Variants in DMD observed in about 807,000 individuals in gnomAD.
The protein encoded by DMD is mutant dystrophin.
In DMD, 63 loss-of-function variants were observed where a neutral mutation model predicts 330.1. The ratio of observed to expected loss-of-function variants is 0.19; its 90% CI spans 0.16 to 0.24. DMD has a LOEUF of 0.24. Ranked by LOEUF, DMD falls within the 10% of genes least tolerant of loss-of-function variation. DMD has a pLI of 1.00. For synonymous variants in DMD, 1,223 were observed against 959.8 expected, an observed-to-expected ratio of 1.27 and a Z score of -5.07; for missense variants, 3,344 against 2,684.1, an observed-to-expected ratio of 1.25 and a Z score of -5.43.
At chrX:32,705,086 A>G (rs1055960666) in intron 7 of DMD, among the ~76,000 whole-genome samples, 2 of 111,515 alleles carry the variant, frequency 1.8e-5, no homozygotes, top group African/African-American at 6.6e-5. Flanking sequence ...CACTGACTGC[A>G]TTGTACATAC....
intron 52 of DMD, among the ~76,000 whole-genome samples, chrX:31,723,740 C>G (rs751653367): frequency 9.1e-6 from 1 of 109,421 alleles, no homozygotes; most frequent in African/African-American, 3.3e-5. Flanking sequence ...TCATCAATTC[C>G]TGAAATACCC....
chrX:33,041,924 T>C (rs1332126750), intron 1 of DMD, among the ~76,000 whole-genome samples: 9 of 110,656 alleles, frequency 8.1e-5, no homozygotes, highest in African/African-American at 3.0e-4. Flanking sequence ...GTGTGGTTTA[T>C]ATTTGTAACT....
chrX:31,707,700 A>G (rs2084303479), intron 52 of DMD, among the ~76,000 whole-genome samples: 1 of 111,777 alleles, frequency 8.9e-6, no homozygotes, highest in Non-Finnish European at 1.9e-5. Context: ...CATAGCTTCA[A>G]CAATGACCCC....
chrX:32,563,499 T>C (rs1337940319), intron 16 of DMD, among the ~76,000 whole-genome samples: 1 of 111,295 alleles, frequency 9.0e-6, no homozygotes, highest in African/African-American at 3.3e-5. Context: ...TATGAGCAAG[T>C]GAAGAGATAC....
chrX:32,252,599 TAAAC>T (rs1413053838), intron 43 of DMD, among the ~76,000 whole-genome samples: 31 of 74,046 alleles, frequency 4.2e-4, no homozygotes, highest in Non-Finnish European at 5.8e-4. Flanking sequence ...TATATATATA[TAAAC>T]ATATATAAAT....
intron 55 of DMD, among the ~76,000 whole-genome samples, chrX:31,611,980 T>G (rs2077949270): frequency 9.0e-6 from 1 of 111,177 alleles, no homozygotes; most frequent in Non-Finnish European, 1.9e-5. Flanking sequence ...CGGGGTACCA[T>G]TTTCTTGACC....
chrX:31,142,788 T>G (rs73617049), intron 76 of DMD, among the ~76,000 whole-genome samples: 1,523 of 112,292 alleles, frequency 0.014, 26 homozygotes, highest in African/African-American at 0.047. Context: ...TGCTATTTTG[T>G]TCTGTATTTG....
At chrX:32,381,264 T>C (rs746091396) in intron 33 of DMD, among the ~76,000 whole-genome samples, 12 of 111,569 alleles carry the variant, frequency 1.1e-4, no homozygotes, top group Non-Finnish European at 2.1e-4. Context: ...AATTTTGCCA[T>C]CCAATAGGGA....
intron 1 of DMD, among the ~76,000 whole-genome samples, chrX:33,113,859 G>C (rs1038989163): frequency 5.4e-5 from 6 of 110,428 alleles, no homozygotes; most frequent in Non-Finnish European, 7.6e-5. Context: ...TGTAATATTA[G>C]ATGTTTCGAA....
At chrX:32,063,866 A>G (rs1435638701) in intron 44 of DMD, among the ~76,000 whole-genome samples, 2 of 111,312 alleles carry the variant, frequency 1.8e-5, no homozygotes, top group Non-Finnish European at 1.9e-5. Flanking sequence ...AATTTCACAA[A>G]CTATATAAGT....
chrX:32,806,800 C>T (rs1344624233), intron 7 of DMD, among the ~76,000 whole-genome samples: 2 of 81,847 alleles, frequency 2.4e-5, no homozygotes, highest in Non-Finnish European at 4.7e-5. Flanking sequence ...TCACTCAAAA[C>T]CATACAACTA....
intron 1 of DMD, among the ~76,000 whole-genome samples, chrX:33,185,617 C>A (rs1218925616): frequency 9.0e-6 from 1 of 111,198 alleles, no homozygotes; most frequent in Non-Finnish European, 1.9e-5. Context: ...TTTTAGTCCT[C>A]CCCCACAAAA....
chrX:31,371,809 G>A (rs778560185), intron 60 of DMD, among the ~76,000 whole-genome samples: 1 of 112,220 alleles, frequency 8.9e-6, no homozygotes, highest in Non-Finnish European at 1.9e-5. Flanking sequence ...CGATCTTGGT[G>A]ACAATGTTGA....
intron 62 of DMD, among the ~76,000 whole-genome samples, chrX:31,320,410 A>AGAG (rs1385002569): frequency 8.9e-6 from 1 of 112,474 alleles, no homozygotes; most frequent in Non-Finnish European, 1.9e-5. Flanking sequence ...CATTAAAAAC[A>AGAG]TAGCCAGAGA....
chrX:32,050,051 C>T (rs1057225567), intron 44 of DMD, among the ~76,000 whole-genome samples: 8 of 111,339 alleles, frequency 7.2e-5, no homozygotes, highest in Admixed American at 1.9e-4. Flanking sequence ...TTTTAATAAA[C>T]GTATTTTGGT....
chrX:32,248,728 C>A (rs898262118), intron 43 of DMD, among the ~76,000 whole-genome samples: 5 of 110,821 alleles, frequency 4.5e-5, no homozygotes, highest in Non-Finnish European at 9.5e-5. Context: ...GTGCACTCCA[C>A]TATGCCAAGT....
intron 2 of DMD, among the ~76,000 whole-genome samples, chrX:32,961,746 G>T (rs1248161004): frequency 9.0e-6 from 1 of 111,442 alleles, no homozygotes; most frequent in East Asian, 2.8e-4. Context: ...TTACTGCTAT[G>T]TAATTTCCAG....
intron 7 of DMD, among the ~76,000 whole-genome samples, chrX:32,764,746 T>C (rs902556946): frequency 1.8e-5 from 2 of 111,958 alleles, no homozygotes; most frequent in Non-Finnish European, 3.8e-5. Flanking sequence ...GCTATAAACA[T>C]GGGTGTACAA....
intron 48 of DMD, among the ~76,000 whole-genome samples, chrX:31,844,449 T>C (rs766534314): frequency 9.0e-6 from 1 of 111,371 alleles, no homozygotes; most frequent in Admixed American, 9.6e-5. Flanking sequence ...TATAGTATAG[T>C]TTGAAGTTGG....
Sources: allele counts gnomAD v4.1 joint callset (sites outside exome capture counted in the v4.1 genomes callset), GRCh38; gene constraint gnomAD v4.1.1; transcripts MANE v1.5; gene names NCBI Gene and HGNC (gene_info 2026-07-23, HGNC 2026-07-21).